PCDH15: variants seen among roughly 807,000 people sequenced by gnomAD.
The protein encoded by PCDH15 is protocadherin related 15.
Under a neutral mutation model 178.5 loss-of-function variants are expected in PCDH15, and 129 were observed. The ratio of observed to expected loss-of-function variants is 0.72; its 90% CI spans 0.63 to 0.84. The LOEUF (loss-of-function observed/expected upper bound fraction) is 0.84. PCDH15 is among the 40% of genes least tolerant of loss of function. The pLI is 0.00. For synonymous variants in PCDH15, 800 were observed against 732.0 expected, an observed-to-expected ratio of 1.09 and a Z score of -1.50; for missense variants, 2,230 against 2,099.9, an observed-to-expected ratio of 1.06 and a Z score of -1.21.
intron 31 of PCDH15, 55 bp from the exon 32 acceptor site, chr10:53,827,603 T>A: frequency 6.2e-7 from 1 of 1,603,026 alleles, no homozygotes; most frequent in Non-Finnish European, 8.5e-7. Flanking sequence ...ATAATGCTTA[T>A]CAATAAGCCA....
intron 26 of PCDH15, among the ~76,000 whole-genome samples, chr10:53,888,299 T>TATATATATATATATATATA (rs2081255592): frequency 1.3e-5 from 1 of 75,560 alleles, no homozygotes; most frequent in African/African-American, 5.2e-5. Flanking sequence ...TACATATATA[T>TATATATATATATATATATA]ATATATATAT....
At chr10:54,507,976 C>T (rs2081312678) in intron 3 of PCDH15, among the ~76,000 whole-genome samples, 1 of 151,930 alleles carries the variant, frequency 6.6e-6, no homozygotes, top group African/African-American at 2.4e-5. Flanking sequence ...TTTCCATTTA[C>T]TAAGTCTCTA....
At chr10:54,945,917 T>C (rs747238791) in intron 2 of PCDH15, among the ~76,000 whole-genome samples, 4 of 151,872 alleles carry the variant, frequency 2.6e-5, no homozygotes, top group Non-Finnish European at 4.4e-5. Context: ...GCACCTGCCT[T>C]TTAAATAAAT....
chr10:54,515,967 A>G (rs1437895765), intron 3 of PCDH15, among the ~76,000 whole-genome samples: 2 of 152,216 alleles, frequency 1.3e-5, no homozygotes, highest in East Asian at 3.8e-4. Flanking sequence ...TAACAAACAG[A>G]AAGGACATCC....
intron 3 of PCDH15, among the ~76,000 whole-genome samples, chr10:54,877,977 T>A (rs1954181764): frequency 1.1e-5 from 1 of 87,802 alleles, no homozygotes; most frequent in African/African-American, 4.1e-5. Flanking sequence ...TTTTTTTTTT[T>A]GTTGAAGTGG....
At chr10:53,970,372 G>A (rs563610922) in intron 21 of PCDH15, among the ~76,000 whole-genome samples, 98 of 152,218 alleles carry the variant, frequency 6.4e-4, no homozygotes, top group Non-Finnish European at 9.9e-4. Flanking sequence ...AGTCCTTGGA[G>A]ACCTACAAAG....
chr10:55,608,195 T>TATA (rs769389458), intron 2 of PCDH15, among the ~76,000 whole-genome samples: 1 of 151,182 alleles, frequency 6.6e-6, no homozygotes, highest in Non-Finnish European at 1.5e-5. Context: ...AGCGAGTGAC[T>TATA]ATAATTTGTA....
chr10:55,112,559 AAC>A (rs1226908393), intron 2 of PCDH15, among the ~76,000 whole-genome samples: 1 of 152,212 alleles, frequency 6.6e-6, no homozygotes, highest in East Asian at 1.9e-4. Context: ...AAGCAGTCAA[AAC>A]ACAGAGAAGT....
intron 3 of PCDH15, among the ~76,000 whole-genome samples, chr10:54,468,525 T>G (rs575215465): frequency 6.6e-6 from 1 of 152,258 alleles, no homozygotes; most frequent in Admixed American, 6.5e-5. Flanking sequence ...TTGGTATATT[T>G]TGATTATTAA....
chr10:54,297,107 G>C (rs770274668), intron 8 of PCDH15, among the ~76,000 whole-genome samples: 2 of 152,048 alleles, frequency 1.3e-5, no homozygotes, highest in Non-Finnish European at 2.9e-5. Context: ...CTGCTGCCAC[G>C]TCAGTGAGTG....
intron 1 of PCDH15, among the ~76,000 whole-genome samples, chr10:55,249,064 A>G (rs577375221): frequency 3.5e-4 from 53 of 152,266 alleles, no homozygotes; most frequent in African/African-American, 1.2e-3. Context: ...AAAAAGACAG[A>G]CTCATTTGGA....
intron 37 of PCDH15, chr10:53,808,656 T>A (rs1176164927): frequency 6.3e-7 from 1 of 1,595,148 alleles, no homozygotes. Flanking sequence ...ACGAGAGCAC[T>A]CATCACAGCA....
chr10:53,969,079 G>A (rs547868676), intron 21 of PCDH15, among the ~76,000 whole-genome samples: 31 of 152,240 alleles, frequency 2.0e-4, no homozygotes, highest in South Asian at 1.5e-3. Context: ...GAGGATGTTT[G>A]AACCCACCAC....
intron 3 of PCDH15, among the ~76,000 whole-genome samples, chr10:54,406,930 G>T (rs563692199): frequency 6.6e-6 from 1 of 152,128 alleles, no homozygotes; most frequent in Admixed American, 6.6e-5. Context: ...TTCTTCAAAA[G>T]ATACCTCTAC....
intron 2 of PCDH15, among the ~76,000 whole-genome samples, chr10:54,966,981 A>C (rs1306645605): frequency 6.6e-6 from 1 of 152,144 alleles, no homozygotes; most frequent in Non-Finnish European, 1.5e-5. Context: ...TGAAAGATAA[A>C]AAATGGTACA....
intron 3 of PCDH15, among the ~76,000 whole-genome samples, chr10:54,489,873 A>G (rs2079425696): frequency 6.6e-6 from 1 of 152,074 alleles, no homozygotes; most frequent in Non-Finnish European, 1.5e-5. Flanking sequence ...TGCTTGCTTG[A>G]TTTCAACTGT....
chr10:53,966,245 A>G (rs2089003050), intron 21 of PCDH15, among the ~76,000 whole-genome samples: 1 of 152,178 alleles, frequency 6.6e-6, no homozygotes, highest in African/African-American at 2.4e-5. Context: ...AGCCTGCAAG[A>G]AACATTTTGA....
chr10:54,880,168 G>A (rs1304662603), intron 3 of PCDH15, among the ~76,000 whole-genome samples: 2 of 152,090 alleles, frequency 1.3e-5, no homozygotes. Context: ...TGTGCACTGT[G>A]AATATTTCCC....
At chr10:55,377,021 G>T (rs927443474) in intron 2 of PCDH15, among the ~76,000 whole-genome samples, 3 of 151,946 alleles carry the variant, frequency 2.0e-5, no homozygotes, top group Non-Finnish European at 2.9e-5. Context: ...TGATAGGCAA[G>T]GAATTTGTGT....
Sources: gnomAD v4.1 joint callset for allele counts (sites outside exome capture counted in the v4.1 genomes callset) on GRCh38, gnomAD v4.1.1 for gene constraint, MANE v1.5 for transcripts, NCBI Gene and HGNC (gene_info 2026-07-23, HGNC 2026-07-21) for gene names.